RABEP2: variants seen among roughly 807,000 people sequenced by gnomAD.
RABEP2 encodes the protein rab GTPase-binding effector protein 2.
A neutral mutation model predicts 74.1 loss-of-function variants in RABEP2; 57 were observed. The ratio of observed to expected loss-of-function variants is 0.77; its 90% confidence interval spans 0.62 to 0.96. The LOEUF is 0.96. RABEP2 is among the 40% of genes least tolerant of loss of function. The pLI is 0.00. For missense variants in RABEP2, 692 were observed against 756.3 expected, an observed-to-expected ratio of 0.91 and a Z score of 1.00; for synonymous variants, 351 against 344.0, an observed-to-expected ratio of 1.02 and a Z score of -0.23.
intron 7 of RABEP2, among the ~76,000 whole-genome samples, chr16:28,909,542 G>A (rs946535908): frequency 1.3e-5 from 2 of 151,880 alleles, no homozygotes; most frequent in Non-Finnish European, 1.5e-5. Flanking sequence ...GTGAGACCCC[G>A]ACTCTACAAA....
At chr16:28,924,890 C>T (rs977732771) in intron 1 of RABEP2, 3 of 768,994 alleles carry the variant, frequency 3.9e-6, no homozygotes. Context: ...CCTTCCTCAC[C>T]GGGCCCCACT....
chr16:28,911,002 G>T lies in RABEP2; in HGVS notation c.991-16C>A. 6.2e-7 allele frequency: 1 copy of T among 1,610,034 alleles called. No individual in the cohort carries two copies. ...GCACCTGCATCTGGGTTGGAGGGAGGGCGAAAGTGAGGGCAAGGGCATGTC... is the reference window on the plus strand; with the variant it reads ...GCACCTGCATCTGGGTTGGAGGGAGTGCGAAAGTGAGGGCAAGGGCATGTC... On this transcript the variant is annotated splice_polypyrimidine_tract_variant and intron_variant, in intron 6 of 12. Transcript: ENST00000358201.
At chr16:28,923,886 G>A (rs1329060167) in intron 2 of RABEP2, 6 of 167,000 alleles carry the variant, frequency 3.6e-5, no homozygotes, top group African/African-American at 1.4e-4. Context: ...AAGGAGAGTA[G>A]AAAACAGGAT....
chr16:28,912,996 C>T (rs1293828920), intron 5 of RABEP2, among the ~76,000 whole-genome samples: 1 of 151,640 alleles, frequency 6.6e-6, no homozygotes, highest in Non-Finnish European at 1.5e-5. Flanking sequence ...CTCTGCTTCT[C>T]TTCTTGCCCG....
At chr16:28,916,800 G>A (rs1020785395) in intron 3 of RABEP2, among the ~76,000 whole-genome samples, 2 of 151,504 alleles carry the variant, frequency 1.3e-5, no homozygotes, top group Non-Finnish European at 2.9e-5. Flanking sequence ...ACTGGCCAAC[G>A]TGGTGAAACC....
intron 1 of RABEP2, 133 bp downstream of exon 1, chr16:28,924,970 C>T: frequency 9.1e-7 from 1 of 1,104,102 alleles, no homozygotes; most frequent in Non-Finnish European, 1.3e-6. Flanking sequence ...GCTGTAGGCC[C>T]CGCCCCCTTT....
intron 2 of RABEP2, among the ~76,000 whole-genome samples, chr16:28,923,120 C>G (rs1964488477): frequency 6.6e-6 from 1 of 151,780 alleles, no homozygotes; most frequent in South Asian, 2.1e-4. Flanking sequence ...TCAAAACATG[C>G]TACCTGGCCA....
chr16:28,910,434 C>T (rs926851684), intron 7 of RABEP2: 1 of 153,968 alleles, frequency 6.5e-6, no homozygotes, highest in Non-Finnish European at 1.4e-5. Context: ...CGCCCACCAC[C>T]ATGCCCGGCT....
chr16:28,916,821 T>C (rs768485094), intron 3 of RABEP2, among the ~76,000 whole-genome samples: 63 of 151,134 alleles, frequency 4.2e-4, no homozygotes, highest in Non-Finnish European at 7.1e-4. Flanking sequence ...CCATCTCTAC[T>C]AAAAATACAA....
chr16:28,913,006 G>A (rs545173994), intron 5 of RABEP2, among the ~76,000 whole-genome samples: 9 of 151,044 alleles, frequency 6.0e-5, no homozygotes, highest in South Asian at 2.1e-4. Context: ...CTTCTTGCCC[G>A]GGCTGGAGTG....
Position 28,906,200 on chromosome 16 carries a change from G to A in RABEP2, c.1246-4C>T. ...AGCACAGCAGCTGCTGCAGCTCCTG[G>A]AAGGGACGGAGGAGTCACCTGCTGG... On this transcript the variant is annotated splice_region_variant and splice_polypyrimidine_tract_variant and intron_variant, in intron 8 of 12. Coordinates refer to ENST00000358201, the MANE Select transcript of RABEP2 (RefSeq NM_024816.3). 1.3e-6 allele frequency: 2 copies of A among 1,580,124 alleles called. No individual in the cohort carries two copies. The highest frequency in any genetic ancestry group is 1.7e-6 in the Non-Finnish European group (2 of 1,170,600).
At chr16:28,906,471 G>T (rs1439953283) in intron 8 of RABEP2, among the ~76,000 whole-genome samples, 1 of 152,084 alleles carries the variant, frequency 6.6e-6, no homozygotes, top group East Asian at 1.9e-4. Flanking sequence ...ATTACCTACA[G>T]CAAGAGCCCC....
chr16:28,911,293 T>A, intron 5 of RABEP2, 114 bp from the exon 6 acceptor site: 2 of 926,972 alleles, frequency 2.2e-6, no homozygotes, highest in Non-Finnish European at 3.3e-6. Context: ...TCCGTCAAAT[T>A]ACAGGCCCAG....
Position 28,910,959 on chromosome 16 carries a change from T to G in RABEP2, c.1018A>C (p.Asn340His). The stretch of plus-strand genomic sequence containing the variant: ...AGGGTCCGCAGCAGCTGCTCTGAGT[T>G]CTGGACCTGGGCCAGGAGCACCTGC... ...QMQVLLAQVQ[N>H]SEQLLRTLQG... is the part of the protein sequence containing the mutation. The change falls in exon 7 of 13, where the codon AAC (asparagine) becomes CAC (histidine). Residue 340 changes from asparagine (N) to histidine (H), a missense_variant. Asn to His is a moderately conservative substitution (Grantham distance 68). Transcript: ENST00000358201. 1 of 1,612,776 alleles carries G rather than the reference T, an allele frequency of 6.2e-7. No homozygotes were observed. Among genetic ancestry groups the G allele is most frequent in the African/African-American group, 1.3e-5 (1 of 75,020 alleles).
At chr16:28,920,025 C>T in intron 2 of RABEP2, 82 bp from the exon 3 acceptor site, 1 of 1,399,436 alleles carries the variant, frequency 7.1e-7, no homozygotes, top group Admixed American at 2.6e-5. Context: ...ACTCTTGATG[C>T]ACTGACTCTT....
rs1186424086 is a variant in RABEP2 at position 28,924,545 on chromosome 16, C to A, written c.132G>T (p.Arg44=). The change falls in exon 2 of 13, where the codon CGG becomes CGT. Residue 44 remains arginine (R), a synonymous_variant. Coordinates refer to ENST00000358201, the MANE Select transcript of RABEP2 (RefSeq NM_024816.3). ...EAESGELSRL[R]AELAGALAEM... The stretch of plus-strand genomic sequence containing the variant: ...CTGCCAGGGCGCCTGCCAGCTCAGC[C>A]CGAAGCCGGCTGAGCTCACCTGACT... 6.2e-7 allele frequency: 1 copy of A among 1,613,958 alleles called. No homozygotes were observed. The highest frequency in any genetic ancestry group is 1.7e-5 in the Admixed American group (1 of 60,024).
At chr16:28,906,292 A>G in intron 8 of RABEP2, 96 bp from the exon 9 acceptor site, 1 of 1,416,824 alleles carries the variant, frequency 7.1e-7, no homozygotes, top group Non-Finnish European at 9.3e-7. Flanking sequence ...GGAACGGGGA[A>G]GGAAGGGAGG....
At chr16:28,918,111 C>T (rs1167956349) in intron 3 of RABEP2, among the ~76,000 whole-genome samples, 6 of 119,998 alleles carry the variant, frequency 5.0e-5, no homozygotes, top group Admixed American at 2.3e-4. Flanking sequence ...CTCGCTCTGT[C>T]GCCCAGGTGG....
Position 28,906,104 on chromosome 16 carries a change from G to T in RABEP2, c.1338C>A (p.Ile446=). ...CCTCCAGAGCCTCCCGCAGCGTCAC[G>T]ATCTCGATCCGCAGGCGCTCGGCCC... The part of the protein sequence containing the change: ...EHGAERLRIE[I]VTLREALEEE... The change falls in exon 9 of 13, where the codon ATC becomes ATA. Residue 446 remains isoleucine (I), a synonymous_variant. Transcript: ENST00000358201. 1 of 1,596,440 alleles carries T rather than the reference G, an allele frequency of 6.3e-7. No homozygotes were observed. Among genetic ancestry groups the T allele is most frequent in the South Asian group, 1.1e-5 (1 of 89,050 alleles).
Sources: gnomAD v4.1 joint callset for allele counts (sites outside exome capture counted in the v4.1 genomes callset) on GRCh38, gnomAD v4.1.1 for gene constraint, MANE v1.5 for transcripts, NCBI Gene and HGNC (gene_info 2026-07-23, HGNC 2026-07-21) for gene names.